Variants in TMOD2 observed in about 807,000 individuals in gnomAD.
TMOD2 encodes tropomodulin-2.
A neutral mutation model predicts 39.9 loss-of-function variants in TMOD2; 22 were observed. That is an observed-to-expected ratio of 0.55 (90% CI 0.39 to 0.79). The LOEUF (loss-of-function observed/expected upper bound fraction) is 0.79, where lower values mean the gene tolerates loss of function less well. Ranked by LOEUF, TMOD2 falls within the 30% of genes least tolerant of loss-of-function variation. The probability of loss-of-function intolerance (pLI) is 0.00; values close to 1 mark genes in which losing one functional copy is unlikely to be tolerated. For missense variants in TMOD2, 386 were observed against 413.3 expected (o/e 0.93, Z 0.57); for synonymous variants, 123 against 146.1 (o/e 0.84, Z 1.14).
intron 8 of TMOD2, among the ~76,000 whole-genome samples, chr15:51,802,962 C>G (rs60059007): frequency 6.1e-4 from 93 of 152,172 alleles, no homozygotes; most frequent in Middle Eastern, 3.4e-3. Flanking sequence ...AACTTTTCTT[C>G]TTCATCCACT....
intron 7 of TMOD2, among the ~76,000 whole-genome samples, chr15:51,785,497 A>G (rs928822012): frequency 6.6e-6 from 1 of 152,074 alleles, no homozygotes; most frequent in Non-Finnish European, 1.5e-5. Flanking sequence ...GCCATAAAAA[A>G]GAATGAAATC....
intron 1 of TMOD2, among the ~76,000 whole-genome samples, chr15:51,754,065 G>T (rs1351102229): frequency 6.6e-6 from 1 of 151,892 alleles, no homozygotes; most frequent in African/African-American, 2.4e-5. Flanking sequence ...GGGGACGGGG[G>T]GTTGGTGTTC....
intron 5 of TMOD2, among the ~76,000 whole-genome samples, chr15:51,779,523 G>A (rs1428872468): frequency 6.6e-6 from 1 of 151,984 alleles, no homozygotes; most frequent in East Asian, 1.9e-4. Flanking sequence ...TGGGACTACA[G>A]GCACCCACCA....
intron 7 of TMOD2, among the ~76,000 whole-genome samples, chr15:51,792,716 G>C (rs1301715149): frequency 6.6e-6 from 1 of 152,168 alleles, no homozygotes; most frequent in African/African-American, 2.4e-5. Context: ...CCTTTGCAGG[G>C]ACATGAATGA....
chr15:51,795,496 T>G (rs990064114), intron 7 of TMOD2, among the ~76,000 whole-genome samples: 1 of 151,956 alleles, frequency 6.6e-6, no homozygotes, highest in Admixed American at 6.6e-5. Context: ...CAGATAAAGA[T>G]CCGTAACTTT....
intron 8 of TMOD2, among the ~76,000 whole-genome samples, chr15:51,800,401 T>C (rs1441307962): frequency 6.6e-6 from 1 of 152,174 alleles, no homozygotes; most frequent in Non-Finnish European, 1.5e-5. Flanking sequence ...CCAGGTGTGG[T>C]GGCACATGCC....
Position 51,793,974 on chromosome 15 carries a change from G to A in TMOD2, c.733-4223G>A, listed in dbSNP as rs184046499. 3.1e-4 allele frequency among the ~76,000 whole-genome samples: 47 copies of A among 152,338 alleles called. No homozygotes were observed. The South Asian group carries it at 5.8e-3, about 19-fold the overall frequency. On this transcript the variant is annotated intron_variant, in intron 7 of 9. Coordinates refer to ENST00000249700, the MANE Select transcript of TMOD2 (RefSeq NM_014548.4). ...ATGCACTTTAATTTACATGGTATGC[G>A]ATAGTGTAAATCCAAATTGTTGAGC... is the stretch of plus-strand genomic sequence containing the variant.
rs551856132 is a variant in TMOD2 at position 51,811,976 on chromosome 15, G to A, written c.*3522G>A. On this transcript the variant is annotated 3_prime_UTR_variant, in exon 10 of 10. Transcript: ENST00000249700. Reference sequence around the variant, plus strand: ...AACATTCCATCCTCATCAACATGATGAAGCCCCTTTCTTCCATCTTTGTAG... The same window carrying A: ...AACATTCCATCCTCATCAACATGATAAAGCCCCTTTCTTCCATCTTTGTAG... The A allele has an allele frequency of 6.6e-6, 1 of 152,230 alleles. No homozygotes were observed. The highest frequency in any genetic ancestry group is 2.1e-4 in the South Asian group (1 of 4,824). The allele number at this position is 152,230 out of a possible 1,614,324, so 9.4% of individuals were successfully genotyped here.
chr15:51,784,955 G>A (rs1195028936), intron 7 of TMOD2: 1 of 152,168 alleles, frequency 6.6e-6, no homozygotes, highest in Non-Finnish European at 1.5e-5. Flanking sequence ...AACTTACTAA[G>A]TGGATTAAAT....
At chr15:51,755,525 C>A (rs560806416) in intron 1 of TMOD2, among the ~76,000 whole-genome samples, 1 of 152,226 alleles carries the variant, frequency 6.6e-6, no homozygotes, top group Admixed American at 6.5e-5. Flanking sequence ...CCATGCCAAG[C>A]CTGGACATGA....
chr15:51,768,436 A>C lies in TMOD2; in HGVS notation c.283+18A>C. The C allele has an allele frequency of 6.2e-7, 1 of 1,606,120 alleles. No homozygotes were observed. On this transcript the variant is annotated intron_variant, in intron 3 of 9. Transcript: ENST00000249700. ...AAAGAAAGGTAAGGACCACAGGCAG[A>C]GCATCTTGGAACAGAGGTTCTCTCT... is the stretch of plus-strand genomic sequence containing the variant.
At chr15:51,801,569 G>T (rs1315166319) in intron 8 of TMOD2, among the ~76,000 whole-genome samples, 1 of 152,154 alleles carries the variant, frequency 6.6e-6, no homozygotes, top group African/African-American at 2.4e-5. Flanking sequence ...CAAAGCGAAG[G>T]CCTGCTGAGA....
chr15:51,765,389 ATCT>A (rs773614787), intron 1 of TMOD2, among the ~76,000 whole-genome samples: 7 of 152,204 alleles, frequency 4.6e-5, no homozygotes, highest in Non-Finnish European at 1.0e-4. Context: ...CTAAGCTGTG[ATCT>A]TCTTGGGGAA....
At chr15:51,796,915 A>C (rs1188222335) in intron 7 of TMOD2, among the ~76,000 whole-genome samples, 1 of 152,158 alleles carries the variant, frequency 6.6e-6, no homozygotes, top group East Asian at 1.9e-4. Flanking sequence ...AGCCATGACG[A>C]TGTCAATGGT....
chr15:51,778,846 G>T (rs2055909483), intron 5 of TMOD2, among the ~76,000 whole-genome samples: 1 of 151,708 alleles, frequency 6.6e-6, no homozygotes, highest in Non-Finnish European at 1.5e-5. Context: ...GCTTTTCTTA[G>T]GTTAATTTTA....
Position 51,763,644 on chromosome 15 carries a change from T to A in TMOD2, c.-69-2729T>A, listed in dbSNP as rs151048664. Among the ~76,000 whole-genome samples the A allele has an allele frequency of 8.5e-5, 13 of 152,354 alleles. No homozygotes were observed. In the East Asian group the frequency reaches 2.3e-3, roughly 27 times the overall value. ...AGTGCTGCTAAACATACCTGCATTGTCACCTCCCCACGATTGTCTGCTTTC... is the reference window on the plus strand; with the variant it reads ...AGTGCTGCTAAACATACCTGCATTGACACCTCCCCACGATTGTCTGCTTTC... On this transcript the variant is annotated intron_variant, in intron 1 of 9. Transcript: ENST00000249700.
chr15:51,754,356 C>T (rs1466876561), intron 1 of TMOD2, among the ~76,000 whole-genome samples: 7 of 152,066 alleles, frequency 4.6e-5, no homozygotes, highest in African/African-American at 1.7e-4. Context: ...TTTGGGGTTT[C>T]CTCTCATTCC....
Position 51,766,421 on chromosome 15 carries a change from G to A in TMOD2, c.-21G>A, listed in dbSNP as rs372872024. The stretch of plus-strand genomic sequence containing the variant: ...GACCATTTAAATGTGCATGGCCCAT[G>A]AGAAAGGCTTATAAGAAGCCATGGC... On this transcript the variant is annotated 5_prime_UTR_variant, in exon 2 of 10. An upstream start codon of the reference 5' UTR is lost. Coordinates refer to ENST00000249700, the MANE Select transcript of TMOD2 (RefSeq NM_014548.4). 22 of 1,612,310 alleles carry A rather than the reference G, an allele frequency of 1.4e-5. No individual in the cohort carries two copies. Among genetic ancestry groups the A allele is most frequent in the Admixed American group, 1.2e-4 (7 of 59,706 alleles).
At position 51,768,382 on chromosome 15, in the gene TMOD2, A is replaced by G. The variant is rs1244149151; in HGVS notation, c.247A>G (p.Arg83Gly). The G allele has an allele frequency of 1.9e-6, 3 of 1,614,120 alleles. No homozygotes were observed. Among genetic ancestry groups the G allele is most frequent in the Admixed American group, 1.7e-5 (1 of 60,022 alleles). Residue 83 changes from arginine to glycine, a missense_variant, in exon 3 of 10, where the codon AGA becomes GGA. Arg to Gly is a moderately radical substitution (Grantham distance 125). Coordinates refer to ENST00000249700, the MANE Select transcript of TMOD2 (RefSeq NM_014548.4). The stretch of plus-strand genomic sequence containing the variant: ...GAAGGAGGCTTTGGAACAGAAAGAC[A>G]GAGAGGACTTTGTGCCCTTCACTGG... ...LEKEALEQKD[R>G]EDFVPFTGEK...
Sources: allele counts gnomAD v4.1 joint callset (sites outside exome capture counted in the v4.1 genomes callset), GRCh38; gene constraint gnomAD v4.1.1; transcripts MANE v1.5; gene names NCBI Gene and HGNC (gene_info 2026-07-23, HGNC 2026-07-21).